The following PGD variants were observed in gnomAD, a reference collection of about 807,000 sequenced individuals.
PGD encodes the protein phosphogluconate dehydrogenase, also known as 6-phosphogluconate dehydrogenase, decarboxylating.
Under a neutral mutation model 60.4 loss-of-function variants are expected in PGD, and 21 were observed. The ratio of observed to expected loss-of-function variants is 0.35; its 90% CI spans 0.25 to 0.50. The LOEUF is 0.50. PGD is among the 20% of genes least tolerant of loss of function. The probability of loss-of-function intolerance (pLI) is 0.98; values close to 1 mark genes in which losing one functional copy is unlikely to be tolerated. For missense variants in PGD, 477 were observed against 613.1 expected (o/e 0.78, Z 2.34); for synonymous variants, 230 against 235.9 (o/e 0.97, Z 0.23).
intron 4 of PGD, 102 bp downstream of exon 4, chr1:10,403,238 T>C (rs1277585677): frequency 1.3e-6 from 1 of 787,218 alleles, no homozygotes; most frequent in Non-Finnish European, 2.2e-6. Context: ...CCTGTGGTAC[T>C]GATTTTTTTG....
At chr1:10,417,341 T>C (rs1038622504) in intron 9 of PGD, 35 bp from the exon 10 acceptor site, 4 of 1,583,268 alleles carry the variant, frequency 2.5e-6, no homozygotes, top group Non-Finnish European at 1.7e-6. Context: ...ACTCTCCTAA[T>C]GGCAATCCTA....
intron 5 of PGD, among the ~76,000 whole-genome samples, chr1:10,407,219 G>A (rs1227841246): frequency 1.3e-5 from 2 of 152,174 alleles, no homozygotes; most frequent in African/African-American, 4.8e-5. Flanking sequence ...AAGCTGAGGT[G>A]TGAGGATTGC....
intron 10 of PGD, among the ~76,000 whole-genome samples, chr1:10,418,446 C>G (rs964887353): frequency 1.3e-5 from 2 of 152,140 alleles, no homozygotes; most frequent in Non-Finnish European, 2.9e-5. Context: ...CTAGGGTATA[C>G]ATCGGCTTCC....
intron 7 of PGD, 114 bp from the exon 8 acceptor site, chr1:10,412,948 C>G (rs1225446087): frequency 1.2e-6 from 1 of 838,212 alleles, no homozygotes; most frequent in Non-Finnish European, 1.9e-6. Flanking sequence ...CAGGCAGACG[C>G]GAGCAGAGCC....
chr1:10,404,679 T>C (rs1366285141), intron 5 of PGD, among the ~76,000 whole-genome samples: 1 of 152,168 alleles, frequency 6.6e-6, no homozygotes, highest in East Asian at 1.9e-4. Flanking sequence ...TTTTGCCTTT[T>C]AGTAGAGACA....
intron 4 of PGD, among the ~76,000 whole-genome samples, 168 bp downstream of exon 4, chr1:10,403,304 C>T (rs1025856216): frequency 6.6e-6 from 1 of 151,852 alleles, no homozygotes; most frequent in South Asian, 2.1e-4. Context: ...ACACACTTAA[C>T]AGAAGGGCCG....
At chr1:10,412,889 A>G in intron 7 of PGD, 173 bp from the exon 8 acceptor site, 1 of 585,304 alleles carries the variant, frequency 1.7e-6, no homozygotes, top group South Asian at 2.1e-5. Context: ...GAACAAACAC[A>G]ACTGACTCTG....
chr1:10,415,063 G>A (rs11576384), intron 8 of PGD, among the ~76,000 whole-genome samples: 1 of 150,656 alleles, frequency 6.6e-6, no homozygotes, highest in Non-Finnish European at 1.5e-5. Context: ...TGCACTCCAG[G>A]CTGGGCGACC....
chr1:10,407,787 T>C (rs1639431981), intron 5 of PGD, among the ~76,000 whole-genome samples: 1 of 150,888 alleles, frequency 6.6e-6, no homozygotes, highest in Non-Finnish European at 1.5e-5. Flanking sequence ...CTCTACAAAA[T>C]CCAAAAAAAT....
intron 5 of PGD, among the ~76,000 whole-genome samples, chr1:10,406,038 A>T (rs1357575955): frequency 1.3e-5 from 2 of 152,200 alleles, no homozygotes; most frequent in Middle Eastern, 3.4e-3. Context: ...TATTTTTAGT[A>T]GAGACGGGGT....
At chr1:10,414,598 A>C (rs955941974) in intron 8 of PGD, among the ~76,000 whole-genome samples, 2 of 151,726 alleles carry the variant, frequency 1.3e-5, no homozygotes, top group African/African-American at 4.8e-5. Context: ...GCTGGTCTCG[A>C]ACTCCTAACC....
chr1:10,413,298 C>T (rs1226677676), intron 8 of PGD, 47 bp downstream of exon 8: 2 of 1,528,342 alleles, frequency 1.3e-6, no homozygotes, highest in Non-Finnish European at 1.8e-6. Flanking sequence ...CTATTCTGAT[C>T]TTGATGTCTG....
intron 1 of PGD, 143 bp downstream of exon 1, chr1:10,399,268 C>G: frequency 2.1e-6 from 2 of 972,696 alleles, no homozygotes; most frequent in East Asian, 2.7e-5. Flanking sequence ...CCTGGCCCTA[C>G]GGCGTCTCGG....
chr1:10,411,580 C>T (rs374536312), intron 7 of PGD, 28 bp downstream of exon 7: 18 of 1,613,342 alleles, frequency 1.1e-5, no homozygotes, highest in Admixed American at 3.3e-5. Context: ...CCTCTGTGTC[C>T]GTTCTGCAGG....
intron 10 of PGD, among the ~76,000 whole-genome samples, 181 bp from the exon 11 acceptor site, chr1:10,418,645 C>T (rs773137995): frequency 2.0e-5 from 3 of 151,816 alleles, no homozygotes; most frequent in Non-Finnish European, 4.4e-5. Flanking sequence ...TGTAGTGGTG[C>T]GTGCCTGTAA....
intron 3 of PGD, 118 bp downstream of exon 3, chr1:10,400,690 A>T: frequency 1.4e-6 from 1 of 739,470 alleles, no homozygotes; most frequent in East Asian, 2.7e-5. Context: ...CTAAGCTCTG[A>T]CCAAATGATT....
chr1:10,408,233 G>A (rs1639441569), intron 6 of PGD, 93 bp downstream of exon 6: 2 of 769,362 alleles, frequency 2.6e-6, no homozygotes, highest in African/African-American at 1.7e-5. Flanking sequence ...GTCTCCCAGG[G>A]GTTAGCTTGG....
chr1:10,412,655 A>C (rs1234699231), intron 7 of PGD, among the ~76,000 whole-genome samples: 2 of 152,218 alleles, frequency 1.3e-5, no homozygotes, highest in Non-Finnish European at 2.9e-5. Flanking sequence ...AAGAAAGCAA[A>C]GTGCCTGCCC....
At chr1:10,402,985 T>A in intron 3 of PGD, 86 bp from the exon 4 acceptor site, 1 of 935,752 alleles carries the variant, frequency 1.1e-6, no homozygotes, top group South Asian at 1.3e-5. Flanking sequence ...TTAGACTATG[T>A]TTATTTGGAA....
Sources: allele counts gnomAD v4.1 joint callset (sites outside exome capture counted in the v4.1 genomes callset), GRCh38; gene constraint gnomAD v4.1.1; transcripts MANE v1.5; gene names NCBI Gene and HGNC (gene_info 2026-07-23, HGNC 2026-07-21).